Variants in EXOC6B observed in about 807,000 individuals in gnomAD.
EXOC6B encodes SEC15 homolog B.
Under a neutral mutation model 113.5 loss-of-function variants are expected in EXOC6B, and 54 were observed. That is an observed-to-expected ratio of 0.48 (90% confidence interval 0.38 to 0.60). EXOC6B has a LOEUF of 0.60. Ranked by LOEUF, EXOC6B falls within the 20% of genes least tolerant of loss-of-function variation. The probability of loss-of-function intolerance (pLI) is 0.00; values close to 1 mark genes in which losing one functional copy is unlikely to be tolerated. For synonymous variants in EXOC6B, 357 were observed against 339.0 expected (o/e 1.05, Z -0.58); for missense variants, 797 against 977.5 (o/e 0.82, Z 2.46).
At chr2:72,257,946 C>T (rs1046484866) in intron 20 of EXOC6B, among the ~76,000 whole-genome samples, 5 of 152,114 alleles carry the variant, frequency 3.3e-5, no homozygotes, top group Non-Finnish European at 4.4e-5. Context: ...ACTCTTCCCA[C>T]GATTCTGTTT....
intron 6 of EXOC6B, among the ~76,000 whole-genome samples, chr2:72,655,314 A>G (rs1208952434): frequency 6.6e-6 from 1 of 152,174 alleles, no homozygotes; most frequent in Non-Finnish European, 1.5e-5. Flanking sequence ...AAAACTGTCA[A>G]GAATTTTTTT....
intron 1 of EXOC6B, among the ~76,000 whole-genome samples, chr2:72,774,547 T>G (rs573346663): frequency 6.6e-6 from 1 of 152,324 alleles, no homozygotes; most frequent in Non-Finnish European, 1.5e-5. Context: ...TCCAGCCAAC[T>G]GCACTCCTGA....
chr2:72,501,849 C>T (rs1229266879), intron 11 of EXOC6B, among the ~76,000 whole-genome samples: 3 of 151,758 alleles, frequency 2.0e-5, no homozygotes, highest in Admixed American at 2.0e-4. Context: ...AGCCTTGACC[C>T]CCTGGGTTCA....
intron 18 of EXOC6B, among the ~76,000 whole-genome samples, chr2:72,458,785 C>G (rs1218466148): frequency 6.6e-6 from 1 of 152,024 alleles, no homozygotes; most frequent in African/African-American, 2.4e-5. Flanking sequence ...CAGGTTTGAT[C>G]CACATTACTG....
intron 20 of EXOC6B, among the ~76,000 whole-genome samples, chr2:72,266,234 G>T (rs1435099928): frequency 1.3e-5 from 2 of 150,462 alleles, no homozygotes; most frequent in Non-Finnish European, 3.0e-5. Flanking sequence ...AGTTTCTTTT[G>T]CTGTGCAGAA....
At chr2:72,214,932 T>C (rs1340504422) in intron 20 of EXOC6B, among the ~76,000 whole-genome samples, 1 of 152,214 alleles carries the variant, frequency 6.6e-6, no homozygotes, top group Non-Finnish European at 1.5e-5. Flanking sequence ...GCATAGTTTC[T>C]GTCAAGACTG....
At chr2:72,410,871 G>C (rs1008253175) in intron 18 of EXOC6B, among the ~76,000 whole-genome samples, 1 of 152,124 alleles carries the variant, frequency 6.6e-6, no homozygotes, top group African/African-American at 2.4e-5. Context: ...TAGTAGTCAA[G>C]GAATTTTAGC....
intron 20 of EXOC6B, among the ~76,000 whole-genome samples, chr2:72,307,546 C>T (rs900123326): frequency 4.6e-5 from 7 of 152,166 alleles, no homozygotes; most frequent in African/African-American, 1.7e-4. Flanking sequence ...TCCCCTCACT[C>T]CAGCTGCATT....
At chr2:72,538,677 G>A (rs1409606563) in intron 8 of EXOC6B, among the ~76,000 whole-genome samples, 5 of 152,112 alleles carry the variant, frequency 3.3e-5, no homozygotes, top group Non-Finnish European at 7.3e-5. Flanking sequence ...TCTGTCCAAA[G>A]CCATAACAAT....
intron 6 of EXOC6B, among the ~76,000 whole-genome samples, chr2:72,657,118 T>G (rs1034070422): frequency 2.0e-5 from 3 of 152,094 alleles, no homozygotes; most frequent in Non-Finnish European, 4.4e-5. Context: ...CCCAAAGTGC[T>G]GGGATTACAG....
chr2:72,540,826 ATG>A, intron 8 of EXOC6B, among the ~76,000 whole-genome samples: 1 of 152,352 alleles, frequency 6.6e-6, no homozygotes, highest in South Asian at 2.1e-4. Context: ...TTAAGTGGCT[ATG>A]AGAGAGACAC....
rs575085884 is a variant in EXOC6B at position 72,267,356 on chromosome 2, C to G, written c.2196+67591G>C. Among the ~76,000 whole-genome samples, 815 of 152,214 alleles carry G rather than the reference C, an allele frequency of 5.4e-3. 7 individuals are homozygous for G. The highest frequency in any genetic ancestry group is 0.019 in the African/African-American group (791 of 41,524). The stretch of plus-strand genomic sequence containing the variant: ...TGCCAGTTTTCAAAGGGAATGCTTC[C>G]AGTTTTTGCCCATTCAGTATGATAT... On this transcript the variant is annotated intron_variant, in intron 20 of 21. Transcript: ENST00000272427.
chr2:72,295,266 T>C (rs1404135604), intron 20 of EXOC6B, among the ~76,000 whole-genome samples: 10 of 150,666 alleles, frequency 6.6e-5, no homozygotes, highest in Non-Finnish European at 3.0e-5. Flanking sequence ...GACCTCAAGA[T>C]GTTTTAAAAA....
chr2:72,433,320 T>C lies in EXOC6B; in HGVS notation c.1980+31840A>G, dbSNP rs143855208. Reference sequence around the variant, plus strand: ...ATTTTGGTTACTGTAGCTTGCAGTATACTTTAAAGTCAGGTAGTGTGATGC... The same window carrying C: ...ATTTTGGTTACTGTAGCTTGCAGTACACTTTAAAGTCAGGTAGTGTGATGC... On this transcript the variant is annotated intron_variant, in intron 18 of 21. Transcript: ENST00000272427. Among the ~76,000 whole-genome samples the C allele has an allele frequency of 1.0e-3, 153 of 152,322 alleles. 2 individuals carry two copies. The East Asian group carries it at 0.025, about 25-fold the overall frequency.
At chr2:72,787,497 G>A (rs1439438491) in intron 1 of EXOC6B, among the ~76,000 whole-genome samples, 2 of 152,018 alleles carry the variant, frequency 1.3e-5, no homozygotes, top group Admixed American at 6.6e-5. Context: ...ACAGTGCCCG[G>A]CCTCAGGGTT....
intron 6 of EXOC6B, among the ~76,000 whole-genome samples, chr2:72,639,936 T>G (rs1263265199): frequency 6.6e-6 from 1 of 152,202 alleles, no homozygotes; most frequent in Non-Finnish European, 1.5e-5. Flanking sequence ...ACAAGAGGCC[T>G]GACAACTCAA....
At chr2:72,305,322 G>GTGTATA (rs3036342) in intron 20 of EXOC6B, among the ~76,000 whole-genome samples, 43,253 of 144,304 alleles carry the variant, frequency 0.3, 7,348 homozygotes, top group East Asian at 0.45. Context: ...ATATGGGTGT[G>GTGTATA]TGTATATGTA....
At chr2:72,713,084 T>A (rs540062756) in intron 6 of EXOC6B, among the ~76,000 whole-genome samples, 1 of 152,194 alleles carries the variant, frequency 6.6e-6, no homozygotes, top group Non-Finnish European at 1.5e-5. Context: ...AATTTACTCA[T>A]TGAAGTTTAA....
chr2:72,350,163 C>T (rs546555512), intron 19 of EXOC6B, among the ~76,000 whole-genome samples: 158 of 152,260 alleles, frequency 1.0e-3, no homozygotes, highest in African/African-American at 3.7e-3. Context: ...ATGGCCACTT[C>T]TTCAATGAAT....
Sources: allele counts gnomAD v4.1 joint callset (sites outside exome capture counted in the v4.1 genomes callset), GRCh38; gene constraint gnomAD v4.1.1; transcripts MANE v1.5; gene names NCBI Gene and HGNC (gene_info 2026-07-23, HGNC 2026-07-21).